The following SCLT1 variants were observed in gnomAD, a reference collection of about 807,000 sequenced individuals.
SCLT1 encodes the protein sodium channel and clathrin linker 1.
A neutral mutation model predicts 112.8 loss-of-function variants in SCLT1; 78 were observed. The ratio of observed to expected loss-of-function variants is 0.69; its 90% CI spans 0.58 to 0.83. The LOEUF is 0.83. SCLT1 is among the 40% of genes least tolerant of loss of function. SCLT1 has a pLI of 0.00. For synonymous variants in SCLT1, 257 were observed against 254.7 expected, an observed-to-expected ratio of 1.01 and a Z score of -0.09; for missense variants, 747 against 770.4, an observed-to-expected ratio of 0.97 and a Z score of 0.36.
At chr4:129,089,927 G>T (rs1370451591) in intron 1 of SCLT1, among the ~76,000 whole-genome samples, 1 of 152,048 alleles carries the variant, frequency 6.6e-6, no homozygotes, top group Non-Finnish European at 1.5e-5. Context: ...ACGGGTTGAT[G>T]GGTGCAGCAA....
intron 1 of SCLT1, among the ~76,000 whole-genome samples, chr4:129,082,684 A>G (rs1406682446): frequency 3.9e-5 from 6 of 152,236 alleles, no homozygotes; most frequent in African/African-American, 1.4e-4. Flanking sequence ...AGTAAAATAT[A>G]TTCTCCACAT....
intron 10 of SCLT1, 77 bp from the exon 11 acceptor site, chr4:128,965,395 A>G (rs1215591777): frequency 1.2e-6 from 1 of 862,000 alleles, no homozygotes; most frequent in African/African-American, 1.7e-5. Context: ...TAAAGAAAAC[A>G]GCTCATGCTA....
At chr4:128,887,051 G>T (rs318504) in intron 20 of SCLT1, among the ~76,000 whole-genome samples, 1 of 151,932 alleles carries the variant, frequency 6.6e-6, no homozygotes, top group Non-Finnish European at 1.5e-5. Context: ...TTTAATAACC[G>T]TATGAGGGAG....
At chr4:128,994,178 A>G (rs941348588) in intron 8 of SCLT1, among the ~76,000 whole-genome samples, 1 of 151,970 alleles carries the variant, frequency 6.6e-6, no homozygotes, top group African/African-American at 2.4e-5. Flanking sequence ...GTAAGTCCCC[A>G]TTTCTTCTCA....
At chr4:129,001,020 GAATATGGAGCCAGA>G (rs1254707492) in intron 6 of SCLT1, among the ~76,000 whole-genome samples, 1 of 151,814 alleles carries the variant, frequency 6.6e-6, no homozygotes, top group Non-Finnish European at 1.5e-5. Flanking sequence ...GATAAACACA[GAATATGGAGCCAGA>G]AGATATGGGT....
chr4:128,984,635 A>C (rs551271657), intron 9 of SCLT1, among the ~76,000 whole-genome samples: 24 of 152,232 alleles, frequency 1.6e-4, no homozygotes, highest in African/African-American at 5.5e-4. Flanking sequence ...GTCTTTATGA[A>C]CCAGTTTCCT....
intron 1 of SCLT1, among the ~76,000 whole-genome samples, chr4:129,085,916 A>C (rs966664432): frequency 2.0e-5 from 3 of 152,164 alleles, no homozygotes; most frequent in African/African-American, 7.2e-5. Context: ...ATTAGGCTTA[A>C]TACCTGGGTG....
intron 9 of SCLT1, among the ~76,000 whole-genome samples, chr4:128,980,481 G>C (rs1741550085): frequency 6.6e-6 from 1 of 152,104 alleles, no homozygotes; most frequent in South Asian, 2.1e-4. Context: ...ATATGATAGA[G>C]CAATACTAAG....
At chr4:128,973,406 G>C (rs1054311955) in intron 9 of SCLT1, among the ~76,000 whole-genome samples, 3 of 146,742 alleles carry the variant, frequency 2.0e-5, no homozygotes, top group Non-Finnish European at 3.0e-5. Context: ...AAATGAATGA[G>C]AGGGCAAAAG....
At chr4:128,926,645 C>T (rs940716974) in intron 18 of SCLT1, among the ~76,000 whole-genome samples, 5 of 151,990 alleles carry the variant, frequency 3.3e-5, no homozygotes, top group African/African-American at 1.2e-4. Context: ...TTACTTTATT[C>T]TACATTGCTT....
chr4:129,069,029 G>A (rs184545546), intron 2 of SCLT1, among the ~76,000 whole-genome samples: 75 of 152,248 alleles, frequency 4.9e-4, no homozygotes, highest in Admixed American at 1.0e-3. Flanking sequence ...GTTGAAAAGG[G>A]AGTCCTTTCC....
chr4:129,064,135 C>T (rs1236404425), intron 2 of SCLT1, among the ~76,000 whole-genome samples: 1 of 152,150 alleles, frequency 6.6e-6, no homozygotes, highest in Non-Finnish European at 1.5e-5. Context: ...AGCTCTCTTT[C>T]ACCTATTTTC....
chr4:129,012,957 T>G (rs1744669280), intron 5 of SCLT1, among the ~76,000 whole-genome samples: 1 of 152,194 alleles, frequency 6.6e-6, no homozygotes, highest in African/African-American at 2.4e-5. Flanking sequence ...TTTTGCTTCT[T>G]TATTCAGTTT....
At chr4:129,016,638 T>C (rs1377948501) in intron 5 of SCLT1, among the ~76,000 whole-genome samples, 1 of 152,222 alleles carries the variant, frequency 6.6e-6, no homozygotes, top group Non-Finnish European at 1.5e-5. Context: ...GTGTGATGGA[T>C]GCTGAATTTC....
At chr4:128,996,881 A>C (rs1743057246) in intron 8 of SCLT1, among the ~76,000 whole-genome samples, 1 of 152,046 alleles carries the variant, frequency 6.6e-6, no homozygotes, top group South Asian at 2.1e-4. Flanking sequence ...GGGCTCTGTG[A>C]TATGATATAT....
At chr4:129,080,880 G>A (rs1751872564) in intron 2 of SCLT1, among the ~76,000 whole-genome samples, 4 of 152,318 alleles carry the variant, frequency 2.6e-5, no homozygotes, top group South Asian at 4.1e-4. Flanking sequence ...GTCTGTGGGA[G>A]AGAGAGTTTC....
intron 2 of SCLT1, among the ~76,000 whole-genome samples, chr4:129,057,925 T>C (rs1378393577): frequency 6.6e-6 from 1 of 152,066 alleles, no homozygotes; most frequent in Admixed American, 6.5e-5. Flanking sequence ...CTAATTTTTG[T>C]ATTTTTAGTA....
At chr4:128,924,780 A>G (rs887042979) in intron 18 of SCLT1, among the ~76,000 whole-genome samples, 3 of 152,136 alleles carry the variant, frequency 2.0e-5, no homozygotes, top group Admixed American at 6.5e-5. Context: ...ACGAACCTCA[A>G]TGATCCCTAC....
In SCLT1 at chr4:128,999,670, A is replaced by G; in HGVS notation, c.549+2T>C. 1 of 1,594,484 alleles carries G rather than the reference A, an allele frequency of 6.3e-7. No homozygotes were observed. On this transcript the variant is annotated splice_donor_variant, in intron 7 of 20. Coordinates refer to ENST00000281142, the MANE Select transcript of SCLT1 (RefSeq NM_144643.4). LOFTEE classifies it high-confidence loss of function. ...CAAGAAAATGATGAAATCCAAGATT[A>G]CCTTTTGTTTTTGACTTTCAAATAC... is the stretch of plus-strand genomic sequence containing the variant.
Sources: allele counts gnomAD v4.1 joint callset (sites outside exome capture counted in the v4.1 genomes callset), GRCh38; gene constraint gnomAD v4.1.1; transcripts MANE v1.5; gene names NCBI Gene and HGNC (gene_info 2026-07-23, HGNC 2026-07-21).